The following PDE11A variants were observed in gnomAD, a reference collection of about 807,000 sequenced individuals.
PDE11A encodes the protein phosphodiesterase 11A, also known as dual 3',5'-cyclic-AMP and -GMP phosphodiesterase 11A.
Under a neutral mutation model 100.5 loss-of-function variants are expected in PDE11A, and 100 were observed. The ratio of observed to expected loss-of-function variants is 1.00; its 90% CI spans 0.85 to 1.18. The LOEUF is 1.18. Among genes scored for constraint, PDE11A ranks in the 50% most tolerant of loss-of-function variants. PDE11A has a pLI of 0.00. For synonymous variants in PDE11A, 381 were observed against 420.8 expected, an observed-to-expected ratio of 0.91 and a Z score of 1.16; for missense variants, 1,141 against 1,152.6, an observed-to-expected ratio of 0.99 and a Z score of 0.15.
chr2:177,668,662 AG>A (rs1182976784), intron 18 of PDE11A, among the ~76,000 whole-genome samples: 1 of 152,234 alleles, frequency 6.6e-6, no homozygotes, highest in Non-Finnish European at 1.5e-5. Flanking sequence ...TCAGCAAAGA[AG>A]GATGTCTTAA....
intron 1 of PDE11A, among the ~76,000 whole-genome samples, chr2:178,027,414 C>A (rs1282096936): frequency 6.6e-6 from 1 of 152,090 alleles, no homozygotes. Context: ...TAAGACAGCA[C>A]AATAGTTTCA....
intron 14 of PDE11A, among the ~76,000 whole-genome samples, chr2:177,700,529 G>C (rs2081182153): frequency 6.6e-6 from 1 of 152,072 alleles, no homozygotes; most frequent in African/African-American, 2.4e-5. Flanking sequence ...AGAGCTAAAA[G>C]TATAAAATTC....
intron 10 of PDE11A, among the ~76,000 whole-genome samples, chr2:177,739,452 C>T (rs1295320781): frequency 6.6e-6 from 1 of 152,178 alleles, no homozygotes; most frequent in Non-Finnish European, 1.5e-5. Flanking sequence ...TTGTCCTGTA[C>T]CCCAAGCTCC....
At chr2:177,991,038 T>C (rs183895824) in intron 2 of PDE11A, among the ~76,000 whole-genome samples, 14 of 149,472 alleles carry the variant, frequency 9.4e-5, no homozygotes, top group Non-Finnish European at 3.0e-5. Flanking sequence ...TTAAAATATA[T>C]CTTGGCTGGG....
intron 4 of PDE11A, among the ~76,000 whole-genome samples, chr2:177,878,347 T>C (rs1558987693): frequency 6.6e-6 from 1 of 152,136 alleles, no homozygotes. Context: ...TTAAATCCGG[T>C]GGGCTTCTGA....
At chr2:177,731,509 C>T (rs552547407) in intron 10 of PDE11A, among the ~76,000 whole-genome samples, 15 of 152,264 alleles carry the variant, frequency 9.9e-5, no homozygotes, top group African/African-American at 3.4e-4. Context: ...CATTGGTTTC[C>T]TGTTCATTCA....
chr2:177,695,965 G>T (rs1488270753), intron 15 of PDE11A, among the ~76,000 whole-genome samples: 3 of 152,154 alleles, frequency 2.0e-5, no homozygotes, highest in Non-Finnish European at 2.9e-5. Context: ...GGCGAGTGGA[G>T]GAACAGGATT....
intron 1 of PDE11A, among the ~76,000 whole-genome samples, chr2:178,030,695 GT>G (rs1255708949): frequency 6.6e-6 from 1 of 152,070 alleles, no homozygotes; most frequent in South Asian, 2.1e-4. Context: ...GGGCAACATT[GT>G]GGAACACTGT....
exon 2 of PDE11A, chr2:178,104,341 C>T (rs370212645): frequency 8.1e-5 from 131 of 1,613,944 alleles, no homozygotes; most frequent in Non-Finnish European, 1.1e-4. Flanking sequence ...AATCCTGGTG[C>T]TTTTCCTGTT....
chr2:177,795,455 G>A (rs6737872), intron 9 of PDE11A, among the ~76,000 whole-genome samples: 52,747 of 151,750 alleles, frequency 0.35, 9,699 homozygotes, highest in African/African-American at 0.45. Context: ...TTGATTACCC[G>A]CTTCGGCTTA....
intron 19 of PDE11A, among the ~76,000 whole-genome samples, chr2:177,637,428 T>C (rs2080057001): frequency 1.3e-5 from 2 of 152,176 alleles, no homozygotes; most frequent in Admixed American, 1.3e-4. Context: ...TGTAGCACAC[T>C]CTCCATCTCT....
chr2:178,071,788 T>C lies in PDE11A; in HGVS notation c.650A>G (p.Asp217Gly). The C allele has an allele frequency of 6.2e-7, 1 of 1,613,476 alleles. No homozygotes were observed. Among genetic ancestry groups the C allele is most frequent in the Non-Finnish European group, 8.5e-7 (1 of 1,179,460 alleles). ...ELVKDISNDL[D>G]LTSLSYKILI... ...AATCTTGTAGCTCAGGCTGGTGAGG[T>C]CAAGGTCATTGGAGATATCTTTGAC... The change falls in exon 1 of 20, where the codon GAC (aspartate) becomes GGC (glycine). Residue 217 changes from aspartate to glycine, a missense_variant. Transcript: ENST00000286063.
rs143698409 is a variant in PDE11A at position 177,675,545 on chromosome 2, C to A, written c.2424-27G>T. The A allele has an allele frequency of 2.9e-4, 462 of 1,587,458 alleles. 2 individuals are homozygous for A. In the African/African-American group the frequency reaches 5.3e-3, roughly 18 times the overall value. Reference sequence around the variant, plus strand: ...TGAAAAACAGAACCAAACAAAACAGCCTGAATAATCTTTTGTTGCATTCCT... The same window carrying A: ...TGAAAAACAGAACCAAACAAAACAGACTGAATAATCTTTTGTTGCATTCCT... On this transcript the variant is annotated intron_variant, in intron 16 of 19. Coordinates refer to ENST00000286063, the MANE Select transcript of PDE11A (RefSeq NM_016953.4).
intron 5 of PDE11A, among the ~76,000 whole-genome samples, chr2:177,847,669 A>G (rs1336854632): frequency 2.6e-5 from 4 of 152,198 alleles, no homozygotes; most frequent in Admixed American, 2.0e-4. Context: ...CTTAGAAATC[A>G]CTTGAGGGAG....
chr2:178,089,177 G>C (rs960205226), intron 2 of PDE11A, among the ~76,000 whole-genome samples: 1 of 152,178 alleles, frequency 6.6e-6, no homozygotes, highest in East Asian at 1.9e-4. Context: ...GGTCGAGAAA[G>C]GGACAGTTAA....
rs2080531553 is a variant in PDE11A, at chr2:177,664,072, T to C, written c.2563-123A>G. On this transcript the variant is annotated intron_variant, in intron 18 of 19. Transcript: ENST00000286063. ...AAACTGAACCCTTCGCAAATCACAA[T>C]CAATCTTTACACATACTTTCTTTTC... 8.7e-6 allele frequency: 6 copies of C among 692,228 alleles called. No homozygotes were observed. The East Asian group carries it at 1.1e-4, about 12-fold the overall frequency. 42.9% of individuals were successfully genotyped at this position (692,228 alleles called of 1,614,324 possible).
At chr2:178,074,479 T>C (rs1423712830), upstream of PDE11A, among the ~76,000 whole-genome samples, 15 of 151,988 alleles carry the variant, frequency 9.9e-5, no homozygotes, top group Admixed American at 9.8e-4. Flanking sequence ...AAGCACTGAG[T>C]AGAGATCTGA....
At position 177,804,948 on chromosome 2, in the gene PDE11A, G is replaced by A. The variant is rs111899244; in HGVS notation, c.1737+11881C>T. ...CTACAAAAGGTGGGAGGTTGGGAGC[G>A]GGTGAGAATTGAAAAATTACCTATT... On this transcript the variant is annotated intron_variant, in intron 9 of 19. Coordinates refer to ENST00000286063, the MANE Select transcript of PDE11A (RefSeq NM_016953.4). Among the ~76,000 whole-genome samples the A allele has an allele frequency of 9.2e-3, 1,392 of 151,772 alleles. 16 individuals are homozygous for A. The highest frequency in any genetic ancestry group is 0.031 in the Middle Eastern group (9 of 294).
At chr2:178,098,016 GCTAA>G (rs1194352154) in intron 2 of PDE11A, among the ~76,000 whole-genome samples, 1 of 152,164 alleles carries the variant, frequency 6.6e-6, no homozygotes, top group Non-Finnish European at 1.5e-5. Flanking sequence ...TAGCAAATTT[GCTAA>G]CTCTCAGTAA....
Sources: gnomAD v4.1 joint callset for allele counts (sites outside exome capture counted in the v4.1 genomes callset) on GRCh38, gnomAD v4.1.1 for gene constraint, MANE v1.5 for transcripts, NCBI Gene and HGNC (gene_info 2026-07-23, HGNC 2026-07-21) for gene names.